SYN3: variants seen among roughly 807,000 people sequenced by gnomAD.
SYN3 encodes synapsin III, also known as synapsin-3.
Under a neutral mutation model 65.8 loss-of-function variants are expected in SYN3, and 35 were observed. The observed-to-expected ratio is 0.53, with a 90% CI of 0.41 to 0.70. SYN3 has a LOEUF of 0.70. Ranked by LOEUF, SYN3 falls within the 30% of genes least tolerant of loss-of-function variation. The pLI is 0.00. For missense variants in SYN3, 680 were observed against 749.0 expected, an observed-to-expected ratio of 0.91 and a Z score of 1.08; for synonymous variants, 270 against 292.9, an observed-to-expected ratio of 0.92 and a Z score of 0.80.
chr22:32,913,633 GT>G (rs1271134684), intron 4 of SYN3, among the ~76,000 whole-genome samples: 1 of 152,170 alleles, frequency 6.6e-6, no homozygotes, highest in Non-Finnish European at 1.5e-5. Context: ...TTCTTCATCT[GT>G]GATATGGGGA....
At chr22:32,580,113 G>T (rs1051608994) in intron 7 of SYN3, among the ~76,000 whole-genome samples, 2 of 152,266 alleles carry the variant, frequency 1.3e-5, no homozygotes, top group East Asian at 3.9e-4. Flanking sequence ...TACAGCTTGT[G>T]CGTCCACAGA....
chr22:32,848,328 G>C (rs1461933969), intron 6 of SYN3, among the ~76,000 whole-genome samples: 1 of 152,126 alleles, frequency 6.6e-6, no homozygotes, highest in Non-Finnish European at 1.5e-5. Context: ...AAGATCTTTC[G>C]TTCAATCCTG....
At chr22:32,713,637 T>C (rs1266782960) in intron 6 of SYN3, among the ~76,000 whole-genome samples, 1 of 152,122 alleles carries the variant, frequency 6.6e-6, no homozygotes, top group African/African-American at 2.4e-5. Flanking sequence ...GAGACCATCC[T>C]GGCTAACACG....
intron 6 of SYN3, among the ~76,000 whole-genome samples, chr22:32,690,879 G>C (rs2060652851): frequency 6.6e-6 from 1 of 152,166 alleles, no homozygotes; most frequent in Admixed American, 6.5e-5. Context: ...CTGCAAATGG[G>C]AGAGAGAGGT....
rs1257691446 is a variant in SYN3, at chr22:32,954,634, A to G, written c.370-23153T>C. Among the ~76,000 whole-genome samples the G allele has an allele frequency of 2.0e-5, 3 of 152,318 alleles. No homozygotes were observed. In the East Asian group the frequency reaches 5.8e-4, roughly 29 times the overall value. ...GGGTGCATTAAGATCAAGATGTGGA[A>G]GCACAGTCCATTGTTGGGGGCTAAC... On this transcript the variant is annotated intron_variant, in intron 3 of 13. Coordinates refer to ENST00000358763, the MANE Select transcript of SYN3 (RefSeq NM_003490.4).
chr22:32,889,891 A>G (rs2049395254), intron 4 of SYN3, among the ~76,000 whole-genome samples: 1 of 152,008 alleles, frequency 6.6e-6, no homozygotes, highest in Non-Finnish European at 1.5e-5. Context: ...CTTTGAATGT[A>G]TAAAGGTATG....
intron 4 of SYN3, among the ~76,000 whole-genome samples, chr22:32,896,368 A>G (rs1423432251): frequency 6.6e-6 from 1 of 152,184 alleles, no homozygotes; most frequent in Non-Finnish European, 1.5e-5. Context: ...AGGCAGGAGA[A>G]TCACTTGAAC....
chr22:32,683,459 T>G (rs2060550162), intron 6 of SYN3, among the ~76,000 whole-genome samples: 1 of 152,152 alleles, frequency 6.6e-6, no homozygotes, highest in Admixed American at 6.5e-5. Flanking sequence ...TAGCTCTGCT[T>G]CACAGATCGG....
At chr22:32,524,081 A>C (rs2057935048) in intron 12 of SYN3, among the ~76,000 whole-genome samples, 2 of 152,258 alleles carry the variant, frequency 1.3e-5, no homozygotes, top group East Asian at 3.8e-4. Context: ...AAGCTAGCAG[A>C]GGTTGGTGGG....
intron 1 of SYN3, among the ~76,000 whole-genome samples, chr22:33,043,125 G>C (rs1238463576): frequency 6.6e-6 from 1 of 152,206 alleles, no homozygotes; most frequent in South Asian, 2.1e-4. Flanking sequence ...CTAACTCTAA[G>C]AATACCACAT....
At chr22:32,863,012 A>G (rs1261499366) in intron 6 of SYN3, 2 of 152,650 alleles carry the variant, frequency 1.3e-5, no homozygotes, top group African/African-American at 4.8e-5. Context: ...CCTTTATTCT[A>G]AACAGTAAAG....
intron 1 of SYN3, among the ~76,000 whole-genome samples, chr22:33,017,760 G>GTT (rs133958): frequency 0.01 from 1,511 of 146,126 alleles, 12 homozygotes; most frequent in South Asian, 0.017. Context: ...GTTCTAACAG[G>GTT]TTTTTTTTTT....
chr22:33,047,351 G>A (rs1039862748), intron 1 of SYN3, among the ~76,000 whole-genome samples: 29 of 152,096 alleles, frequency 1.9e-4, no homozygotes, highest in Non-Finnish European at 4.1e-4. Flanking sequence ...CCCAAGAGAC[G>A]AACACTCAAT....
intron 4 of SYN3, among the ~76,000 whole-genome samples, chr22:32,908,171 C>T (rs567529773): frequency 3.0e-4 from 46 of 151,726 alleles, no homozygotes; most frequent in Non-Finnish European, 4.9e-4. Context: ...CTGCAACCTC[C>T]GCCTCCCAGG....
intron 6 of SYN3, among the ~76,000 whole-genome samples, chr22:32,719,585 G>A (rs771978240): frequency 3.3e-5 from 5 of 152,168 alleles, no homozygotes; most frequent in Non-Finnish European, 7.3e-5. Flanking sequence ...GCTCACACTT[G>A]TAATCCCAGC....
intron 2 of SYN3, among the ~76,000 whole-genome samples, chr22:32,996,097 G>A (rs2052872129): frequency 6.6e-6 from 1 of 152,148 alleles, no homozygotes; most frequent in Non-Finnish European, 1.5e-5. Flanking sequence ...CTCTCTTCCA[G>A]GGCATCCTCA....
At chr22:33,010,690 AG>A (rs2053327152) in intron 1 of SYN3, among the ~76,000 whole-genome samples, 1 of 152,194 alleles carries the variant, frequency 6.6e-6, no homozygotes, top group Non-Finnish European at 1.5e-5. Context: ...TTTATGAAAA[AG>A]TCTGTTGGAA....
chr22:32,601,317 G>T (rs929472057), intron 6 of SYN3, among the ~76,000 whole-genome samples: 1 of 147,286 alleles, frequency 6.8e-6, no homozygotes, highest in Non-Finnish European at 1.5e-5. Flanking sequence ...TTGCTCTGTC[G>T]CCCAGGCTGG....
chr22:32,820,265 T>C (rs375359998), intron 6 of SYN3, among the ~76,000 whole-genome samples: 4,399 of 141,838 alleles, frequency 0.031, 190 homozygotes, highest in African/African-American at 0.1. Flanking sequence ...TGTGTGTGCG[T>C]GCGCGTGTGT....
Sources: allele counts gnomAD v4.1 joint callset (sites outside exome capture counted in the v4.1 genomes callset), GRCh38; gene constraint gnomAD v4.1.1; transcripts MANE v1.5; gene names NCBI Gene and HGNC (gene_info 2026-07-23, HGNC 2026-07-21).